The following PRICKLE2 variants were observed in gnomAD, a reference collection of about 807,000 sequenced individuals.
PRICKLE2 encodes prickle-like protein 2.
PRICKLE2 carries 21 observed loss-of-function variants against 81.4 expected under a neutral mutation model. The ratio of observed to expected loss-of-function variants is 0.26; its 90% CI spans 0.18 to 0.37. The LOEUF is 0.37. Ranked by LOEUF, PRICKLE2 falls within the 10% of genes least tolerant of loss-of-function variation. The pLI is 1.00. For missense variants in PRICKLE2, 940 were observed against 1,109.0 expected, an observed-to-expected ratio of 0.85 and a Z score of 2.16; for synonymous variants, 456 against 421.5, an observed-to-expected ratio of 1.08 and a Z score of -1.00.
intron 1 of PRICKLE2, among the ~76,000 whole-genome samples, chr3:64,205,854 T>C (rs1425378585): frequency 1.3e-5 from 2 of 152,140 alleles, no homozygotes; most frequent in African/African-American, 4.8e-5. Context: ...GCCCAACTTC[T>C]CCTAAGCTCA....
At chr3:64,205,291 T>C (rs983631578) in intron 1 of PRICKLE2, among the ~76,000 whole-genome samples, 2 of 152,154 alleles carry the variant, frequency 1.3e-5, no homozygotes, top group African/African-American at 2.4e-5. Flanking sequence ...AGTTGCAGCA[T>C]TAAATCATGG....
chr3:64,157,645 A>G (rs2077658902), intron 4 of PRICKLE2, among the ~76,000 whole-genome samples: 1 of 152,226 alleles, frequency 6.6e-6, no homozygotes, highest in Non-Finnish European at 1.5e-5. Flanking sequence ...ACAATAACGT[A>G]CAGGGGCTCT....
intron 2 of PRICKLE2, among the ~76,000 whole-genome samples, chr3:64,187,147 T>G (rs1345555774): frequency 4.6e-5 from 7 of 152,218 alleles, no homozygotes; most frequent in Admixed American, 4.6e-4. Context: ...GTGTTGCTGC[T>G]GACTTCATCT....
intron 1 of PRICKLE2, chr3:64,200,872 C>T (rs1409033395): frequency 6.6e-6 from 1 of 152,266 alleles, no homozygotes; most frequent in Non-Finnish European, 1.5e-5. Flanking sequence ...GCGTCAGCCT[C>T]CCAAAGTGCT....
At position 64,175,652 on chromosome 3, in the gene PRICKLE2, T is replaced by C. The variant is rs995311424; in HGVS notation, c.145-12523A>G. ...TTACATCTACATGCATTTCTAGATA[T>C]TGACTGGTATAATTGATTATACAGG... On this transcript the variant is annotated intron_variant, in intron 2 of 7. Transcript: ENST00000638394. Among the ~76,000 whole-genome samples, 5 of 152,352 alleles carry C rather than the reference T, an allele frequency of 3.3e-5. No homozygotes were observed. The East Asian group carries it at 7.7e-4, about 23-fold the overall frequency.
intron 1 of PRICKLE2, among the ~76,000 whole-genome samples, chr3:64,204,320 G>T (rs1312981476): frequency 1.3e-5 from 2 of 152,116 alleles, no homozygotes; most frequent in Non-Finnish European, 2.9e-5. Flanking sequence ...CATGATCCTA[G>T]ACTCTTCCAT....
chr3:64,234,669 G>A (rs144573122), intron 2 of PRICKLE2, among the ~76,000 whole-genome samples: 62 of 152,148 alleles, frequency 4.1e-4, no homozygotes, highest in Non-Finnish European at 6.0e-4. Flanking sequence ...GATAAAGTTC[G>A]TTTATCTATT....
At chr3:64,120,396 G>A (rs1271530315) in intron 7 of PRICKLE2, among the ~76,000 whole-genome samples, 3 of 152,140 alleles carry the variant, frequency 2.0e-5, no homozygotes, top group Non-Finnish European at 4.4e-5. Flanking sequence ...GACAGCAGAT[G>A]GACCTTCGTT....
chr3:64,099,529 C>T lies in PRICKLE2; in HGVS notation c.2057G>A (p.Arg686Lys), dbSNP rs1336947162. ...RDDNRRFRPHRSRRSRRSRSD... is the reference protein window; with the variant it reads ...RDDNRRFRPHKSRRSRRSRSD... ...GCGAGAGCGTCGGGAACGCCTGGAC[C>T]TGTGAGGTCGGAAACGGCGGTTGTC... Residue 686 changes from arginine (R) to lysine (K), a missense_variant, in exon 8 of 8, where the codon AGG becomes AAG. Transcript: ENST00000638394. This position sits in a 1 kb window ranked among gnomAD's most constrained non-coding sequence, Gnocchi z 4.3. 6.2e-7 allele frequency: 1 copy of T among 1,608,562 alleles called. No individual in the cohort carries two copies. The highest frequency in any genetic ancestry group is 8.5e-7 in the Non-Finnish European group (1 of 1,175,514).
intron 2 of PRICKLE2, among the ~76,000 whole-genome samples, chr3:64,165,246 G>A (rs908333955): frequency 6.6e-6 from 1 of 152,084 alleles, no homozygotes; most frequent in Non-Finnish European, 1.5e-5. Context: ...TTTGAACCAA[G>A]CCCTTTCTGA....
In PRICKLE2 at chr3:64,258,186, C is replaced by T. The variant is rs568405737; in HGVS notation, c.129-59219G>A. On this transcript the variant is annotated intron_variant, in intron 2 of 8. Coordinates refer to the PRICKLE2 transcript ENST00000295902. ...CAAAGCATCTGAAGCAAGCAATTAG[C>T]GGGTGGGGGTGGGAAGACATCTTGG... Among the ~76,000 whole-genome samples the T allele has an allele frequency of 1.8e-4, 23 of 131,110 alleles. No homozygotes were observed. The East Asian group carries it at 3.8e-3, about 21-fold the overall frequency. 86.0% of individuals were successfully genotyped at this position (131,110 alleles called of 152,430 possible). A position where few individuals can be genotyped will look rare whatever the true frequency, so the allele number is the denominator to read the frequency against.
chr3:64,199,687 T>A (rs1054475042), intron 1 of PRICKLE2: 36 of 152,342 alleles, frequency 2.4e-4, no homozygotes, highest in African/African-American at 7.7e-4. Flanking sequence ...GATAAAAATC[T>A]CCCAAACTGA....
At chr3:64,111,941 G>A (rs551008264) in intron 7 of PRICKLE2, among the ~76,000 whole-genome samples, 3 of 152,254 alleles carry the variant, frequency 2.0e-5, no homozygotes, top group African/African-American at 7.2e-5. Context: ...ATAACTGAGA[G>A]GCAAGAATGC....
At chr3:64,167,573 G>T (rs2077856457) in intron 2 of PRICKLE2, among the ~76,000 whole-genome samples, 1 of 152,234 alleles carries the variant, frequency 6.6e-6, no homozygotes, top group African/African-American at 2.4e-5. Context: ...CGCATATAAA[G>T]TCTACAAAGC....
intron 7 of PRICKLE2, among the ~76,000 whole-genome samples, chr3:64,131,817 CTT>C (rs1368224109): frequency 4.6e-5 from 7 of 152,182 alleles, no homozygotes; most frequent in African/African-American, 1.4e-4. Flanking sequence ...CTTGCATTTG[CTT>C]TCTCAATCCC....
At chr3:64,222,183 T>C (rs1396494705) in intron 1 of PRICKLE2, among the ~76,000 whole-genome samples, 1 of 152,164 alleles carries the variant, frequency 6.6e-6, no homozygotes, top group Non-Finnish European at 1.5e-5. Flanking sequence ...AATATTCATA[T>C]GAGGAAGCCA....
At chr3:64,185,686 T>C (rs2078216400) in intron 2 of PRICKLE2, among the ~76,000 whole-genome samples, 2 of 152,236 alleles carry the variant, frequency 1.3e-5, no homozygotes, top group African/African-American at 4.8e-5. Flanking sequence ...AGGCAATTGA[T>C]GAAACCTTAG....
At chr3:64,236,526 A>C (rs2079181894) in intron 2 of PRICKLE2, among the ~76,000 whole-genome samples, 1 of 152,244 alleles carries the variant, frequency 6.6e-6, no homozygotes, top group Non-Finnish European at 1.5e-5. Flanking sequence ...GAGGAATGTA[A>C]CTACAGCTTA....
Position 64,099,382 on chromosome 3 carries a change from C to T in PRICKLE2, c.2204G>A (p.Ser735Asn). The change falls in exon 8 of 8, where the codon AGC becomes AAC. Residue 735 changes from serine (S) to asparagine (N), a missense_variant. By Grantham distance (46) the Ser-to-Asn change is conservative. This residue lies in a region of PRICKLE2 where 670 missense variants were observed against 717.2 expected (regional missense o/e 0.93). Coordinates refer to ENST00000638394, the MANE Select transcript of PRICKLE2 (RefSeq NM_198859.4). This position sits in a 1 kb window ranked among gnomAD's most constrained non-coding sequence, Gnocchi z 4.3. The stretch of plus-strand genomic sequence containing the variant: ...GTCCCTCCGGGACCCATGCCCCATG[C>T]TCTCCTGGAAGCTCCGCTGGCGCAT... ...QFMRQRSFQE[S>N]MGHGSRRDLY... 1 of 1,608,950 alleles carries T rather than the reference C, an allele frequency of 6.2e-7. No homozygotes were observed. Among genetic ancestry groups the T allele is most frequent in the Non-Finnish European group, 8.5e-7 (1 of 1,176,036 alleles).
Sources: allele counts gnomAD v4.1 joint callset (sites outside exome capture counted in the v4.1 genomes callset), GRCh38; gene constraint gnomAD v4.1.1; regional missense constraint gnomAD v4.1.1; non-coding constraint Gnocchi (gnomAD v3.1); transcripts MANE v1.5; gene names NCBI Gene and HGNC (gene_info 2026-07-23, HGNC 2026-07-21).